The following EIF3H variants were observed in gnomAD, a reference collection of about 807,000 sequenced individuals.
EIF3H encodes the protein eukaryotic translation initiation factor 3 subunit H, also known as eIF-3-gamma.
EIF3H carries 26 observed loss-of-function variants against 44.2 expected under a neutral mutation model. That is an observed-to-expected ratio of 0.59 (90% CI 0.43 to 0.82). EIF3H has a LOEUF of 0.82. EIF3H is among the 40% of genes least tolerant of loss of function. The pLI is 0.00. For missense variants in EIF3H, 359 were observed against 432.8 expected, an observed-to-expected ratio of 0.83 and a Z score of 1.51; for synonymous variants, 166 against 151.9, an observed-to-expected ratio of 1.09 and a Z score of -0.68.
intron 1 of EIF3H, among the ~76,000 whole-genome samples, chr8:116,743,863 G>T (rs567995908): frequency 1.4e-5 from 2 of 147,074 alleles, no homozygotes; most frequent in African/African-American, 2.5e-5. Context: ...GGGAAATAAA[G>T]TTTGATTTTA....
In EIF3H at chr8:116,646,561, G is replaced by T; in HGVS notation, c.871C>A (p.Arg291=). 6.2e-7 allele frequency: 1 copy of T among 1,614,110 alleles called. No individual in the cohort carries two copies. The highest frequency in any genetic ancestry group is 8.5e-7 in the Non-Finnish European group (1 of 1,180,010). ...RQQENMQRQS[R]GEPPLPEEDL... ...TCCTCAGGGAGCGGGGGTTCTCCTC[G>T]GCTCTGGCGCTGCATATTCTCCTGC... Residue 291 remains arginine (R), a synonymous_variant, in exon 7 of 8, where the codon CGA becomes AGA. Coordinates refer to ENST00000521861, the MANE Select transcript of EIF3H (RefSeq NM_003756.3).
chr8:116,667,464 CA>C lies in EIF3H; in HGVS notation c.290-8485del, dbSNP rs36085143. On this transcript the variant is annotated intron_variant, in intron 2 of 7. Coordinates refer to ENST00000521861, the MANE Select transcript of EIF3H (RefSeq NM_003756.3). The stretch of plus-strand genomic sequence containing the variant: ...ACAGAAAACTGTTTGTACAACTTCA[CA>C]AAAAAAAAAAAAAGATTAAGGGGCT... Among the ~76,000 whole-genome samples, 50 of 138,680 alleles carry C rather than the reference CA, an allele frequency of 3.6e-4. No individual in the cohort carries two copies. In the East Asian group the frequency reaches 7.7e-3, roughly 21 times the overall value. The allele number at this position is 138,680 out of a possible 152,430, so 91.0% of individuals were successfully genotyped here.
In EIF3H at chr8:116,655,949, A is replaced by G; in HGVS notation, c.614T>C (p.Ile205Thr). 1 of 1,613,730 alleles carries G rather than the reference A, an allele frequency of 6.2e-7. No individual in the cohort carries two copies. Among genetic ancestry groups the G allele is most frequent in the African/African-American group, 1.3e-5 (1 of 75,002 alleles). Residue 205 changes from isoleucine (I) to threonine (T), a missense_variant, in exon 5 of 8, where the codon ATT becomes ACT. Coordinates refer to ENST00000521861, the MANE Select transcript of EIF3H (RefSeq NM_003756.3). Reference protein sequence around the residue: ...EYMFEEVPIVIKNSHLINVLM... With the variant: ...EYMFEEVPIVTKNSHLINVLM... ...GACATTGATCAGATGTGAATTTTTA[A>G]TTACAATCGGCACTTCTTCAAACAT...
chr8:116,688,367 G>C (rs1814115331), intron 2 of EIF3H, among the ~76,000 whole-genome samples: 1 of 151,758 alleles, frequency 6.6e-6, no homozygotes, highest in Non-Finnish European at 1.5e-5. Flanking sequence ...TAAAAAATGG[G>C]AACAGCCAAA....
chr8:116,730,326 C>T (rs1427882994), intron 1 of EIF3H, among the ~76,000 whole-genome samples: 1 of 152,198 alleles, frequency 6.6e-6, no homozygotes, highest in Non-Finnish European at 1.5e-5. Context: ...CTCATAGGAG[C>T]ACAAACCTTT....
At chr8:116,717,590 T>C (rs1814676525) in intron 2 of EIF3H, among the ~76,000 whole-genome samples, 1 of 151,868 alleles carries the variant, frequency 6.6e-6, no homozygotes, top group Non-Finnish European at 1.5e-5. Flanking sequence ...CCAGAAATAA[T>C]GCCAAATACT....
chr8:116,739,015 T>C (rs931431377), intron 1 of EIF3H, among the ~76,000 whole-genome samples: 12 of 152,268 alleles, frequency 7.9e-5, no homozygotes, highest in African/African-American at 2.4e-4. Flanking sequence ...AAACTGGCAA[T>C]AAACAAAACC....
chr8:116,676,083 G>T (rs2130827398), intron 2 of EIF3H, among the ~76,000 whole-genome samples: 2 of 152,234 alleles, frequency 1.3e-5, no homozygotes, highest in Middle Eastern at 6.8e-3. Context: ...TGTGATATAG[G>T]CCCCAGAACA....
chr8:116,747,060 T>C (rs1029963570), intron 1 of EIF3H, among the ~76,000 whole-genome samples: 1 of 147,266 alleles, frequency 6.8e-6, no homozygotes, highest in African/African-American at 2.5e-5. Context: ...TAACATGTTT[T>C]TTTGTTTTTT....
chr8:116,762,902 C>T (rs536105203), intron 1 of EIF3H, among the ~76,000 whole-genome samples: 1 of 152,286 alleles, frequency 6.6e-6, no homozygotes, highest in African/African-American at 2.4e-5. Flanking sequence ...CAAGATTGTG[C>T]CACTGCACTC....
At chr8:116,697,814 T>C (rs984290109) in intron 2 of EIF3H, among the ~76,000 whole-genome samples, 6 of 152,238 alleles carry the variant, frequency 3.9e-5, no homozygotes, top group East Asian at 3.8e-4. Context: ...GTCTTGAAAT[T>C]TGATGAGCAT....
At chr8:116,740,719 T>C (rs1421063206) in intron 1 of EIF3H, among the ~76,000 whole-genome samples, 1 of 152,098 alleles carries the variant, frequency 6.6e-6, no homozygotes, top group Non-Finnish European at 1.5e-5. Context: ...AGCTTAAACA[T>C]GAATTCTTAT....
At chr8:116,650,518 T>C (rs958448360) in intron 5 of EIF3H, among the ~76,000 whole-genome samples, 11 of 152,208 alleles carry the variant, frequency 7.2e-5, no homozygotes, top group Non-Finnish European at 1.5e-4. Context: ...AAATGATGAA[T>C]AGATAAATAA....
chr8:116,713,835 CA>C (rs1434530019), intron 2 of EIF3H, among the ~76,000 whole-genome samples: 1 of 151,960 alleles, frequency 6.6e-6, no homozygotes, highest in African/African-American at 2.4e-5. Flanking sequence ...TACTACGTAA[CA>C]AAAAGATGAG....
intron 2 of EIF3H, among the ~76,000 whole-genome samples, chr8:116,711,556 G>A (rs1442992411): frequency 1.3e-5 from 2 of 151,816 alleles, no homozygotes; most frequent in African/African-American, 4.8e-5. Context: ...AAATGACAAT[G>A]AATCAAAAAT....
rs779444994 is a variant in EIF3H, at chr8:116,725,982, A to C, written c.289+34T>G. ...CCTGTGTCAATATCCATTTGTATGC[A>C]CTGCAAAGACACACTTGTGATGAAC... is the stretch of plus-strand genomic sequence containing the variant. On this transcript the variant is annotated intron_variant, in intron 2 of 7. Transcript: ENST00000521861. The C allele has an allele frequency of 6.8e-5, 109 of 1,598,378 alleles. 2 individuals carry two copies. In the South Asian group the frequency reaches 1.2e-3, roughly 17 times the overall value.
chr8:116,677,932 C>T (rs879420860), intron 2 of EIF3H, among the ~76,000 whole-genome samples: 157 of 152,334 alleles, frequency 1.0e-3, no homozygotes, highest in Admixed American at 4.3e-3. Context: ...CCTAACAGGT[C>T]TGATGACAGG....
At chr8:116,726,876 T>A (rs146953285) in intron 1 of EIF3H, among the ~76,000 whole-genome samples, 56 of 152,298 alleles carry the variant, frequency 3.7e-4, no homozygotes, top group Admixed American at 2.9e-3. Flanking sequence ...GCAATAATCA[T>A]AATCATTAAT....
intron 2 of EIF3H, among the ~76,000 whole-genome samples, chr8:116,718,809 C>T (rs569737365): frequency 6.6e-6 from 1 of 151,864 alleles, no homozygotes; most frequent in East Asian, 1.9e-4. Flanking sequence ...GAACCAAAAT[C>T]TCAGAAATCA....
Sources: allele counts gnomAD v4.1 joint callset (sites outside exome capture counted in the v4.1 genomes callset), GRCh38; gene constraint gnomAD v4.1.1; transcripts MANE v1.5; gene names NCBI Gene and HGNC (gene_info 2026-07-23, HGNC 2026-07-21).